Variants in PPP2R1B observed in about 807,000 individuals in gnomAD.
PPP2R1B encodes the protein protein phosphatase 2 scaffold subunit Abeta.
Under a neutral mutation model 72.7 loss-of-function variants are expected in PPP2R1B, and 58 were observed. The ratio of observed to expected loss-of-function variants is 0.80; its 90% confidence interval spans 0.65 to 0.99. The LOEUF (loss-of-function observed/expected upper bound fraction) is 0.99. Ranked by LOEUF, PPP2R1B falls within the 50% of genes least tolerant of loss-of-function variation. The pLI is 0.00. For missense variants in PPP2R1B, 695 were observed against 733.6 expected, an observed-to-expected ratio of 0.95 and a Z score of 0.61; for synonymous variants, 256 against 264.6, an observed-to-expected ratio of 0.97 and a Z score of 0.32.
In PPP2R1B at chr11:111,766,367, T is replaced by C; in HGVS notation, c.-6A>G. The C allele has an allele frequency of 4.1e-6, 5 of 1,229,974 alleles. No homozygotes were observed. Among genetic ancestry groups the C allele is most frequent in the Non-Finnish European group, 5.5e-6 (5 of 904,828 alleles). The allele number at this position is 1,229,974 out of a possible 1,614,324, so 76.2% of individuals were successfully genotyped here. On this transcript the variant is annotated 5_prime_UTR_variant, in exon 1 of 15. Coordinates refer to ENST00000527614, the MANE Select transcript of PPP2R1B (RefSeq NM_002716.5). ...AGCTCTGATGCGCCCGCCATGTTCTTTCTCCTCCTGCTGCTGGTCACCGCC... is the reference window on the plus strand; with the variant it reads ...AGCTCTGATGCGCCCGCCATGTTCTCTCTCCTCCTGCTGCTGGTCACCGCC...
At chr11:111,710,568 A>T in the PPP2R1B span, among the ~76,000 whole-genome samples, 1 of 152,252 alleles carries the variant, frequency 6.6e-6, no homozygotes, top group Non-Finnish European at 1.5e-5. Context: ...TTTGAGAACG[A>T]GACTGCATTC....
At chr11:111,755,527 TA>T (rs1565465356) in intron 5 of PPP2R1B, 77 bp from the exon 6 acceptor site, 13 of 1,351,128 alleles carry the variant, frequency 9.6e-6, no homozygotes, top group South Asian at 3.0e-5. Context: ...TGCAGGTGTT[TA>T]AAAAAATTAA....
intron 2 of PPP2R1B, 54 bp downstream of exon 2, chr11:111,765,240 A>C (rs954387085): frequency 6.6e-7 from 1 of 1,506,466 alleles, no homozygotes; most frequent in African/African-American, 1.4e-5. Context: ...TCAGTGTTGA[A>C]AGCTACTGGA....
At position 111,743,419 on chromosome 11, in the gene PPP2R1B, T is replaced by C. The variant is rs973682124; in HGVS notation, c.1511A>G (p.Asp504Gly). The change falls in exon 12 of 15, where the codon GAT becomes GGT. Residue 504 changes from aspartate (D) to glycine (G), a missense_variant. By Grantham distance (94) the Asp-to-Gly change is moderately conservative. Coordinates refer to ENST00000527614, the MANE Select transcript of PPP2R1B (RefSeq NM_002716.5). The part of the protein sequence containing the change: ...IVPKVLVMAN[D>G]PNYLHRMTTL... ...GGTCATTCTATGCAAGTAATTAGGATCATTTGCCATTACTAACACTTTGGG... is the reference window on the plus strand; with the variant it reads ...GGTCATTCTATGCAAGTAATTAGGACCATTTGCCATTACTAACACTTTGGG... 1.2e-6 allele frequency: 2 copies of C among 1,612,776 alleles called. No homozygotes were observed. Among genetic ancestry groups the C allele is most frequent in the African/African-American group, 2.7e-5 (2 of 74,894 alleles).
chr11:111,745,467 C>T (rs1352374085), intron 11 of PPP2R1B, among the ~76,000 whole-genome samples: 1 of 152,176 alleles, frequency 6.6e-6, no homozygotes, highest in African/African-American at 2.4e-5. Context: ...TAGCCTTGAC[C>T]AAGACCTTAA....
At chr11:111,721,686 A>G in the PPP2R1B span, 1 of 572,286 alleles carries the variant, frequency 1.7e-6, no homozygotes, top group Non-Finnish European at 3.1e-6. Context: ...CCCTCAGCCT[A>G]CTGGCTCTGT....
chr11:111,738,548 CA>C lies in PPP2R1B; in HGVS notation c.*3047del. 1 of 985,476 alleles carries C rather than the reference CA, an allele frequency of 1.0e-6. No homozygotes were observed. Among genetic ancestry groups the C allele is most frequent in the Non-Finnish European group, 1.2e-6 (1 of 829,956 alleles). 61.0% of individuals were successfully genotyped at this position (985,476 alleles called of 1,614,324 possible). A position where few individuals can be genotyped will look rare whatever the true frequency, so the allele number is the denominator to read the frequency against. On this transcript the variant is annotated 3_prime_UTR_variant, in exon 15 of 15. Coordinates refer to ENST00000527614, the MANE Select transcript of PPP2R1B (RefSeq NM_002716.5). ...ACCTGAATGCCTGGACAAGCCAGCTCAAAGGTCAGGCTGCCGTCTCTGTTGA... is the reference window on the plus strand; with the variant it reads ...ACCTGAATGCCTGGACAAGCCAGCTCAAGGTCAGGCTGCCGTCTCTGTTGA...
intron 11 of PPP2R1B, 143 bp downstream of exon 11, chr11:111,747,811 A>T: frequency 3.0e-6 from 2 of 657,744 alleles, no homozygotes; most frequent in East Asian, 6.0e-5. Context: ...TTATATTCAG[A>T]AGATTAAACT....
chr11:111,713,440 A>G, the PPP2R1B span, among the ~76,000 whole-genome samples: 1 of 152,162 alleles, frequency 6.6e-6, no homozygotes, highest in Non-Finnish European at 1.5e-5. Flanking sequence ...TTTCTCTTAT[A>G]TAAAAGGAGA....
downstream of PPP2R1B, among the ~76,000 whole-genome samples, chr11:111,733,636 A>G (rs187080885): frequency 7.2e-5 from 11 of 152,168 alleles, 1 homozygote; most frequent in Non-Finnish European, 1.5e-4. Context: ...GTGGGACACA[A>G]TGGAATGGAG....
chr11:111,761,600 C>T (rs1555051477), intron 3 of PPP2R1B, among the ~76,000 whole-genome samples: 3 of 152,216 alleles, frequency 2.0e-5, no homozygotes, highest in Non-Finnish European at 1.5e-5. Context: ...TTTTTCAGAA[C>T]ACATTCAGCA....
intron 5 of PPP2R1B, among the ~76,000 whole-genome samples, chr11:111,756,229 A>AC (rs1262148541): frequency 6.7e-6 from 1 of 150,076 alleles, no homozygotes; most frequent in Non-Finnish European, 1.5e-5. Context: ...AAAGGAAAAA[A>AC]AAAAAAAGAA....
chr11:111,752,958 G>A (rs1477063065), intron 9 of PPP2R1B, among the ~76,000 whole-genome samples: 9 of 135,590 alleles, frequency 6.6e-5, no homozygotes, highest in East Asian at 2.2e-4. Flanking sequence ...GCAAGACTCC[G>A]TCTCAAAAAA....
chr11:111,732,168 C>T (rs1335571190), intron 15 of PPP2R1B, among the ~76,000 whole-genome samples: 3 of 152,214 alleles, frequency 2.0e-5, no homozygotes, highest in African/African-American at 7.2e-5. Flanking sequence ...GGGAACAGGG[C>T]CCAAGGTTCT....
rs536053448 is a variant in PPP2R1B, at chr11:111,748,632, C to T, written c.1339-618G>A. Among the ~76,000 whole-genome samples, 109 of 152,236 alleles carry T rather than the reference C, an allele frequency of 7.2e-4. 1 individual carries two copies. The highest frequency in any genetic ancestry group is 3.4e-3 in the Middle Eastern group (1 of 292). On this transcript the variant is annotated intron_variant, in intron 10 of 14. Coordinates refer to ENST00000527614, the MANE Select transcript of PPP2R1B (RefSeq NM_002716.5). ...TTCAGTGCAGGCTGGGGATGGGCTC[C>T]GGGAGCAGATTTACACAGTCCTCTA... is the stretch of plus-strand genomic sequence containing the variant.
the PPP2R1B span, among the ~76,000 whole-genome samples, chr11:111,698,612 C>G: frequency 6.6e-6 from 1 of 152,166 alleles, no homozygotes; most frequent in South Asian, 2.1e-4. Context: ...TGTGGTGGAG[C>G]ACACCTGTGC....
At chr11:111,715,527 T>C in the PPP2R1B span, among the ~76,000 whole-genome samples, 3 of 152,194 alleles carry the variant, frequency 2.0e-5, no homozygotes, top group African/African-American at 7.2e-5. Flanking sequence ...GTGCTTAAAA[T>C]TGTCAGTAAA....
intron 5 of PPP2R1B, 48 bp downstream of exon 5, chr11:111,759,756 G>A (rs1328924605): frequency 6.7e-7 from 1 of 1,502,044 alleles, no homozygotes; most frequent in South Asian, 1.4e-5. Flanking sequence ...TGAAAATTTA[G>A]AGGAAAGGAG....
At chr11:111,761,142 T>C (rs1488135926) in intron 3 of PPP2R1B, 91 bp from the exon 4 acceptor site, 2 of 1,073,718 alleles carry the variant, frequency 1.9e-6, no homozygotes, top group Non-Finnish European at 2.8e-6. Flanking sequence ...TGAAGGGAGG[T>C]GGTACACGTA....
Sources: gnomAD v4.1 joint callset for allele counts (sites outside exome capture counted in the v4.1 genomes callset) on GRCh38, gnomAD v4.1.1 for gene constraint, MANE v1.5 for transcripts, NCBI Gene and HGNC (gene_info 2026-07-23, HGNC 2026-07-21) for gene names.